Variants in NRG1 observed in about 807,000 individuals in gnomAD.
NRG1 encodes pro-neuregulin-1, membrane-bound isoform.
Under a neutral mutation model 63.8 loss-of-function variants are expected in NRG1, and 18 were observed. The observed-to-expected ratio is 0.28, with a 90% CI of 0.19 to 0.42. The LOEUF is 0.42. Ranked by LOEUF, NRG1 falls within the 10% of genes least tolerant of loss-of-function variation. The probability of loss-of-function intolerance (pLI) is 1.00; values close to 1 mark genes in which losing one functional copy is unlikely to be tolerated. For synonymous variants in NRG1, 302 were observed against 301.3 expected, an observed-to-expected ratio of 1.00 and a Z score of -0.02; for missense variants, 762 against 814.7, an observed-to-expected ratio of 0.94 and a Z score of 0.79.
intron 1 of NRG1, among the ~76,000 whole-genome samples, chr8:32,555,627 A>C (rs541056228): frequency 6.7e-6 from 1 of 149,370 alleles, no homozygotes; most frequent in African/African-American, 2.6e-5. Flanking sequence ...GCCCACCACC[A>C]CGCCCGGCTG....
chr8:32,468,689 C>T (rs1161398783), intron 1 of NRG1, among the ~76,000 whole-genome samples: 7 of 150,118 alleles, frequency 4.7e-5, no homozygotes, highest in African/African-American at 1.7e-4. Context: ...TTAGTATCTA[C>T]TTAAATAAAT....
intron 1 of NRG1, among the ~76,000 whole-genome samples, chr8:31,713,283 A>AT: frequency 6.6e-6 from 1 of 151,442 alleles, no homozygotes; most frequent in South Asian, 2.1e-4. Context: ...AGCCCGGCTA[A>AT]TTTTTTGTAT....
intron 1 of NRG1, among the ~76,000 whole-genome samples, chr8:32,080,973 T>A (rs1827380728): frequency 6.6e-6 from 1 of 152,124 alleles, no homozygotes; most frequent in Non-Finnish European, 1.5e-5. Context: ...AATTCTCTCT[T>A]GTTTGGGGAG....
chr8:31,853,889 G>T (rs1314098011), intron 1 of NRG1, among the ~76,000 whole-genome samples: 2 of 151,856 alleles, frequency 1.3e-5, no homozygotes, highest in Non-Finnish European at 2.9e-5. Flanking sequence ...TTTGTCTTTG[G>T]CTCTGTTTTT....
At chr8:32,546,447 T>C (rs1031078770), upstream of NRG1, among the ~76,000 whole-genome samples, 3 of 152,320 alleles carry the variant, frequency 2.0e-5, no homozygotes, top group South Asian at 2.1e-4. Context: ...CTGTCTCACA[T>C]CCTTGGGACA....
rs1462503732 is a variant in NRG1 at position 31,867,607 on chromosome 8, T to TGGAAGTAATAA, written c.37+228177_37+228187dup. Among the ~76,000 whole-genome samples the TGGAAGTAATAA allele has an allele frequency of 2.0e-5, 3 of 152,054 alleles. No homozygotes were observed. The South Asian group carries it at 6.2e-4, about 31-fold the overall frequency. On this transcript the variant is annotated intron_variant, in intron 1 of 10. Coordinates refer to the NRG1 transcript ENST00000519301. ...ACTTTTTGGGAAAATAAGGCTGTAA[T>TGGAAGTAATAA]GGAAGTAATAAAGATACCTGAGTTG...
At chr8:31,820,917 A>G (rs955541095) in intron 1 of NRG1, among the ~76,000 whole-genome samples, 6 of 152,200 alleles carry the variant, frequency 3.9e-5, no homozygotes, top group Non-Finnish European at 7.3e-5. Flanking sequence ...TATAGCAAGT[A>G]GTGTCCCTTG....
intron 1 of NRG1, among the ~76,000 whole-genome samples, chr8:31,902,549 G>A: frequency 6.6e-6 from 1 of 152,134 alleles, no homozygotes; most frequent in East Asian, 1.9e-4. Context: ...ATACTTACCA[G>A]GCTATTATCA....
At chr8:32,369,770 A>C (rs1038994827) in intron 1 of NRG1, among the ~76,000 whole-genome samples, 1 of 152,190 alleles carries the variant, frequency 6.6e-6, no homozygotes, top group African/African-American at 2.4e-5. Context: ...TCATTTTCTA[A>C]TGAAATTTCG....
chr8:32,691,251 T>G (rs1438509291), intron 5 of NRG1, among the ~76,000 whole-genome samples: 1 of 152,036 alleles, frequency 6.6e-6, no homozygotes, highest in South Asian at 2.1e-4. Flanking sequence ...TCCCAGCTAC[T>G]TGGGAGGCAG....
At chr8:32,321,909 T>C (rs1267820589) in intron 1 of NRG1, among the ~76,000 whole-genome samples, 1 of 152,102 alleles carries the variant, frequency 6.6e-6, no homozygotes, top group African/African-American at 2.4e-5. Context: ...TCATTATATG[T>C]AGAGACAAGA....
intron 1 of NRG1, among the ~76,000 whole-genome samples, chr8:32,234,660 G>A (rs1230604217): frequency 1.3e-5 from 2 of 152,168 alleles, no homozygotes; most frequent in Non-Finnish European, 2.9e-5. Context: ...GTGGCAGAAA[G>A]TATGGATGTC....
chr8:32,391,280 A>G (rs1282220370), intron 1 of NRG1, among the ~76,000 whole-genome samples: 1 of 151,904 alleles, frequency 6.6e-6, no homozygotes, highest in Non-Finnish European at 1.5e-5. Context: ...ACAGGCATGC[A>G]CCACCATGCT....
intron 1 of NRG1, among the ~76,000 whole-genome samples, chr8:32,560,210 C>CTTTT (rs147928361): frequency 6.8e-6 from 1 of 147,290 alleles, no homozygotes; most frequent in Non-Finnish European, 1.5e-5. Context: ...ATTCTTTTTG[C>CTTTT]TTTTTTTTTT....
chr8:32,581,080 T>C (rs1243112173), intron 1 of NRG1, among the ~76,000 whole-genome samples: 1 of 152,224 alleles, frequency 6.6e-6, no homozygotes, highest in Non-Finnish European at 1.5e-5. Flanking sequence ...TCTCTATCTC[T>C]TGCCCCCTAA....
chr8:32,323,599 A>G (rs1563315141), intron 1 of NRG1, among the ~76,000 whole-genome samples: 1 of 152,222 alleles, frequency 6.6e-6, no homozygotes, highest in African/African-American at 2.4e-5. Flanking sequence ...TAAAACGTTG[A>G]GTCATAGGTT....
chr8:31,904,881 AG>A (rs1477458276), intron 1 of NRG1, among the ~76,000 whole-genome samples: 2 of 152,136 alleles, frequency 1.3e-5, no homozygotes, highest in Non-Finnish European at 2.9e-5. Flanking sequence ...GGAGGGTGGG[AG>A]GAAGGTGAGG....
At chr8:31,658,763 A>G (rs1345545101) in intron 1 of NRG1, among the ~76,000 whole-genome samples, 1 of 152,280 alleles carries the variant, frequency 6.6e-6, no homozygotes, top group African/African-American at 2.4e-5. Context: ...ACACCTGGCC[A>G]CAGTAAGTAC....
intron 1 of NRG1, among the ~76,000 whole-genome samples, chr8:32,447,726 A>C (rs1820442422): frequency 6.6e-6 from 1 of 151,986 alleles, no homozygotes; most frequent in African/African-American, 2.4e-5. Flanking sequence ...TTTTAAAATT[A>C]GTCGAGCATG....
Sources: allele counts gnomAD v4.1 joint callset (sites outside exome capture counted in the v4.1 genomes callset), GRCh38; gene constraint gnomAD v4.1.1; transcripts MANE v1.5; gene names NCBI Gene and HGNC (gene_info 2026-07-23, HGNC 2026-07-21).